The following SMYD3 variants were observed in gnomAD, a reference collection of about 807,000 sequenced individuals.
SMYD3 encodes the protein SET and MYND domain containing 3.
In SMYD3, 36 loss-of-function variants were observed where a neutral mutation model predicts 57.7. The observed-to-expected ratio is 0.62, with a 90% CI of 0.48 to 0.82. SMYD3 has a LOEUF of 0.82. Ranked by LOEUF, SMYD3 falls within the 40% of genes least tolerant of loss-of-function variation. The pLI, the probability that SMYD3 is intolerant of heterozygous loss-of-function variation, is 0.00. For synonymous variants in SMYD3, 211 were observed against 195.0 expected, an observed-to-expected ratio of 1.08 and a Z score of -0.68; for missense variants, 515 against 538.8, an observed-to-expected ratio of 0.96 and a Z score of 0.44.
chr1:246,099,492 C>G (rs1365222679), intron 5 of SMYD3, among the ~76,000 whole-genome samples: 1 of 152,154 alleles, frequency 6.6e-6, no homozygotes, highest in African/African-American at 2.4e-5. Context: ...AAATTTAAGA[C>G]TAGTTTGGGT....
intron 5 of SMYD3, among the ~76,000 whole-genome samples, chr1:246,083,448 C>T (rs558092267): frequency 6.6e-5 from 10 of 151,794 alleles, no homozygotes; most frequent in African/African-American, 1.5e-4. Flanking sequence ...TGCCACATCC[C>T]GCTCTCCCAG....
intron 1 of SMYD3, among the ~76,000 whole-genome samples, chr1:246,377,993 C>G (rs1212891251): frequency 6.6e-6 from 1 of 152,202 alleles, no homozygotes; most frequent in Non-Finnish European, 1.5e-5. Context: ...TGTGCTTTCC[C>G]TTGACAAATG....
chr1:246,495,526 T>A (rs1426269987), intron 1 of SMYD3, among the ~76,000 whole-genome samples: 1 of 152,140 alleles, frequency 6.6e-6, no homozygotes, highest in Admixed American at 6.5e-5. Flanking sequence ...AAAGGAAATC[T>A]AAAGATGAGA....
chr1:246,416,750 A>G (rs925704885), intron 1 of SMYD3, among the ~76,000 whole-genome samples: 1 of 152,048 alleles, frequency 6.6e-6, no homozygotes, highest in Admixed American at 6.5e-5. Flanking sequence ...TTTTAAAAAA[A>G]CAGAAGACCT....
chr1:245,941,558 T>C (rs1477190968), intron 5 of SMYD3, among the ~76,000 whole-genome samples: 2 of 152,164 alleles, frequency 1.3e-5, no homozygotes, highest in East Asian at 1.9e-4. Flanking sequence ...TCTCACTCTG[T>C]CACCCAGGCT....
chr1:246,076,327 A>G (rs1224285590), intron 5 of SMYD3, among the ~76,000 whole-genome samples: 3 of 152,344 alleles, frequency 2.0e-5, no homozygotes, highest in Middle Eastern at 6.8e-3. Flanking sequence ...TTTCCTATAT[A>G]TAGTTAGCCA....
At chr1:246,009,027 C>G (rs2059228896) in intron 5 of SMYD3, among the ~76,000 whole-genome samples, 1 of 152,162 alleles carries the variant, frequency 6.6e-6, no homozygotes, top group African/African-American at 2.4e-5. Context: ...CTCCTCTTAG[C>G]TGCAAAATAT....
At chr1:246,166,021 C>T (rs901887091) in intron 5 of SMYD3, among the ~76,000 whole-genome samples, 1 of 151,944 alleles carries the variant, frequency 6.6e-6, no homozygotes, top group Admixed American at 6.6e-5. Flanking sequence ...CAAGGGTCAT[C>T]CTCGGTGACC....
chr1:246,294,669 G>T (rs1411169998), intron 5 of SMYD3, among the ~76,000 whole-genome samples: 1 of 151,946 alleles, frequency 6.6e-6, no homozygotes, highest in Admixed American at 6.6e-5. Flanking sequence ...TGCAATCTCG[G>T]CTCACTGCAA....
At chr1:245,921,086 A>G (rs1225391330) in intron 7 of SMYD3, among the ~76,000 whole-genome samples, 1 of 152,224 alleles carries the variant, frequency 6.6e-6, no homozygotes, top group Non-Finnish European at 1.5e-5. Context: ...TAAGCAATTC[A>G]ATAAGCAAAT....
intron 5 of SMYD3, among the ~76,000 whole-genome samples, chr1:246,193,204 G>A (rs73143359): frequency 0.018 from 2,727 of 152,048 alleles, 78 homozygotes; most frequent in African/African-American, 0.063. Flanking sequence ...GACAAATTAG[G>A]GACAACCTGA....
At position 246,273,242 on chromosome 1, in the gene SMYD3, C is replaced by T. The variant is rs374441025; in HGVS notation, c.531+53959G>A. On this transcript the variant is annotated intron_variant, in intron 5 of 11. Transcript: ENST00000490107. ...TCGGCTCACTACAGCCTCCGCCTCC[C>T]GGGTTCAAGTGATTCTCCTGCCTCG... 2.5e-3 allele frequency among the ~76,000 whole-genome samples: 384 copies of T among 151,082 alleles called. 1 individual carries two copies. Among genetic ancestry groups the T allele is most frequent in the Middle Eastern group, 6.9e-3 (2 of 290 alleles).
intron 5 of SMYD3, among the ~76,000 whole-genome samples, chr1:245,962,647 GAAC>G (rs2058040021): frequency 6.6e-6 from 1 of 152,070 alleles, no homozygotes; most frequent in African/African-American, 2.4e-5. Flanking sequence ...GGGTTGCGTC[GAAC>G]AATAAAGAGA....
chr1:245,792,037 C>G (rs2047298428), intron 10 of SMYD3, among the ~76,000 whole-genome samples: 1 of 150,718 alleles, frequency 6.6e-6, no homozygotes, highest in Non-Finnish European at 1.5e-5. Context: ...GATTTATGTC[C>G]TCTTTCTGGG....
chr1:245,811,391 A>T (rs2048462231), intron 10 of SMYD3, among the ~76,000 whole-genome samples: 1 of 152,230 alleles, frequency 6.6e-6, no homozygotes, highest in Non-Finnish European at 1.5e-5. Context: ...CATCAAAAAG[A>T]CAGATTCCAT....
At chr1:245,818,195 T>C (rs889679038) in intron 10 of SMYD3, among the ~76,000 whole-genome samples, 1 of 152,168 alleles carries the variant, frequency 6.6e-6, no homozygotes, top group African/African-American at 2.4e-5. Flanking sequence ...TAACAGCGGA[T>C]CTCTCAGCAG....
At chr1:246,226,412 A>T (rs1227929740) in intron 5 of SMYD3, among the ~76,000 whole-genome samples, 1 of 152,268 alleles carries the variant, frequency 6.6e-6, no homozygotes, top group African/African-American at 2.4e-5. Context: ...TTTAATCTAC[A>T]TGAGACCTAA....
intron 5 of SMYD3, among the ~76,000 whole-genome samples, chr1:246,210,521 C>A (rs1460693211): frequency 6.6e-6 from 1 of 151,966 alleles, no homozygotes; most frequent in Non-Finnish European, 1.5e-5. Context: ...ACCAGCCTCA[C>A]CAACATGGCG....
chr1:246,108,384 C>T (rs191682547), intron 5 of SMYD3, among the ~76,000 whole-genome samples: 15 of 152,234 alleles, frequency 9.9e-5, no homozygotes, highest in East Asian at 9.6e-4. Flanking sequence ...AGAAAATTAC[C>T]GTACTTAAAA....
Sources: gnomAD v4.1 joint callset for allele counts (sites outside exome capture counted in the v4.1 genomes callset) on GRCh38, gnomAD v4.1.1 for gene constraint, MANE v1.5 for transcripts, NCBI Gene and HGNC (gene_info 2026-07-23, HGNC 2026-07-21) for gene names.